Variants in NOL4 observed in about 807,000 individuals in gnomAD.
NOL4 encodes the protein nucleolar protein 4, also known as cancer/testis antigen 125.
Under a neutral mutation model 75.9 loss-of-function variants are expected in NOL4, and 17 were observed. That is an observed-to-expected ratio of 0.22 (90% CI 0.15 to 0.34). The LOEUF is 0.34. Among genes scored for constraint, NOL4 ranks in the 10% least tolerant of loss-of-function variants. NOL4 has a pLI of 1.00. For synonymous variants in NOL4, 292 were observed against 289.9 expected (o/e 1.01, Z -0.07); for missense variants, 614 against 793.5 (o/e 0.77, Z 2.72).
intron 1 of NOL4, chr18:34,221,912 A>T: frequency 1.2e-6 from 1 of 854,564 alleles, no homozygotes; most frequent in Non-Finnish European, 1.8e-6. Flanking sequence ...AACAGTTGCC[A>T]GTACAGGAGG....
chr18:33,887,419 T>G (rs902554619), intron 9 of NOL4, among the ~76,000 whole-genome samples: 3 of 134,928 alleles, frequency 2.2e-5, no homozygotes, highest in Non-Finnish European at 4.8e-5. Context: ...AGAAGGTGAG[T>G]TTTTTTTTTT....
chr18:34,094,036 G>C (rs1050110016), intron 4 of NOL4, among the ~76,000 whole-genome samples: 1 of 151,714 alleles, frequency 6.6e-6, no homozygotes, highest in African/African-American at 2.4e-5. Flanking sequence ...AGCGAGACTC[G>C]TCTCAAAAAA....
At chr18:34,003,809 T>C (rs1209727418) in intron 6 of NOL4, among the ~76,000 whole-genome samples, 3 of 152,030 alleles carry the variant, frequency 2.0e-5, no homozygotes, top group Middle Eastern at 6.9e-3. Flanking sequence ...TAACAGATCC[T>C]CCCCCTGGCC....
At chr18:33,952,779 C>A (rs965533422) in intron 8 of NOL4, among the ~76,000 whole-genome samples, 1 of 152,076 alleles carries the variant, frequency 6.6e-6, no homozygotes, top group Non-Finnish European at 1.5e-5. Context: ...ACAAAAGTAG[C>A]CAGGTGTTTT....
At chr18:33,917,685 G>A (rs2066808275) in intron 9 of NOL4, among the ~76,000 whole-genome samples, 1 of 151,736 alleles carries the variant, frequency 6.6e-6, no homozygotes, top group Non-Finnish European at 1.5e-5. Flanking sequence ...TTAATGCTTA[G>A]TAGAGATGAG....
intron 1 of NOL4, among the ~76,000 whole-genome samples, chr18:34,207,859 A>G (rs1313516992): frequency 1.3e-5 from 2 of 152,112 alleles, no homozygotes; most frequent in African/African-American, 2.4e-5. Flanking sequence ...AGGTTTTTCC[A>G]CTGAGGTTTT....
At chr18:34,055,288 T>C (rs1232453136) in intron 5 of NOL4, among the ~76,000 whole-genome samples, 1 of 152,102 alleles carries the variant, frequency 6.6e-6, no homozygotes, top group Non-Finnish European at 1.5e-5. Flanking sequence ...TAGCATTTCT[T>C]GTACAGTAGA....
intron 9 of NOL4, among the ~76,000 whole-genome samples, chr18:33,894,739 T>G (rs1019635908): frequency 3.3e-5 from 5 of 152,116 alleles, no homozygotes; most frequent in African/African-American, 1.2e-4. Flanking sequence ...ACAATAAAGG[T>G]TTGATCTCAC....
intron 1 of NOL4, among the ~76,000 whole-genome samples, chr18:34,178,780 A>G (rs559862085): frequency 6.6e-6 from 1 of 151,802 alleles, no homozygotes; most frequent in South Asian, 2.1e-4. Context: ...TCAAAAATGG[A>G]TAGAATAACT....
intron 6 of NOL4, among the ~76,000 whole-genome samples, chr18:33,975,178 G>A (rs2071391828): frequency 6.6e-6 from 1 of 152,140 alleles, no homozygotes; most frequent in Non-Finnish European, 1.5e-5. Flanking sequence ...GGAAGCAAAG[G>A]GGAATTCTTG....
chr18:34,214,407 T>A (rs1046838413), intron 1 of NOL4, among the ~76,000 whole-genome samples: 2 of 152,132 alleles, frequency 1.3e-5, no homozygotes, highest in Non-Finnish European at 2.9e-5. Context: ...ATGAGTTACG[T>A]TATCATTAGA....
At chr18:33,946,369 T>G (rs2068836037) in intron 8 of NOL4, among the ~76,000 whole-genome samples, 1 of 151,722 alleles carries the variant, frequency 6.6e-6, no homozygotes, top group African/African-American at 2.4e-5. Context: ...TTATCAAATT[T>G]AATCTCCTTA....
intron 4 of NOL4, among the ~76,000 whole-genome samples, chr18:34,103,348 A>G (rs909600389): frequency 6.6e-6 from 1 of 152,026 alleles, no homozygotes; most frequent in Admixed American, 6.6e-5. Context: ...TACATATATA[A>G]CTTAGTCCCT....
At chr18:34,007,057 G>A (rs1434545964) in intron 6 of NOL4, among the ~76,000 whole-genome samples, 1 of 151,920 alleles carries the variant, frequency 6.6e-6, no homozygotes, top group Non-Finnish European at 1.5e-5. Context: ...TTAGTTCCAG[G>A]GAGATAAATG....
At chr18:33,954,048 T>C (rs2069458209) in intron 8 of NOL4, among the ~76,000 whole-genome samples, 1 of 152,134 alleles carries the variant, frequency 6.6e-6, no homozygotes, top group Non-Finnish European at 1.5e-5. Context: ...CATCCTTTGG[T>C]ATCTGTGTGG....
Position 34,032,104 on chromosome 18 carries a change from C to T in NOL4, c.773-12503G>A, listed in dbSNP as rs572793344. Among the ~76,000 whole-genome samples the T allele has an allele frequency of 2.6e-5, 4 of 152,320 alleles. No individual in the cohort carries two copies. The South Asian group carries it at 8.3e-4, about 32-fold the overall frequency. ...TGTGAGCAACCACCAAATATTACTG[C>T]GTCTAAGGTGAAAGCACAAAGAAAG... On this transcript the variant is annotated intron_variant, in intron 5 of 10. Transcript: ENST00000261592.
At chr18:34,127,562 T>C (rs1279220325) in intron 2 of NOL4, among the ~76,000 whole-genome samples, 31 of 152,064 alleles carry the variant, frequency 2.0e-4, no homozygotes, top group Non-Finnish European at 2.9e-5. Flanking sequence ...TCAGCATTAG[T>C]ATTAAGAATT....
At chr18:34,080,863 T>A (rs1444723531) in intron 5 of NOL4, among the ~76,000 whole-genome samples, 1 of 152,220 alleles carries the variant, frequency 6.6e-6, no homozygotes, top group Non-Finnish European at 1.5e-5. Context: ...TGACATAAGA[T>A]ACTAATTTGA....
rs183843849 is a variant in NOL4, at chr18:34,049,495, C to T, written c.773-29894G>A. ...CATTCATTTTTCTTCAGAAACATTA[C>T]TGCGATTCAAATGAGTACATCCTTT... On this transcript the variant is annotated intron_variant, in intron 5 of 10. Coordinates refer to ENST00000261592, the MANE Select transcript of NOL4 (RefSeq NM_003787.5). Among the ~76,000 whole-genome samples, 604 of 152,092 alleles carry T rather than the reference C, an allele frequency of 4.0e-3. 8 individuals carry two copies. Among genetic ancestry groups the T allele is most frequent in the Non-Finnish European group, 5.9e-3 (400 of 67,986 alleles).
Sources: allele counts gnomAD v4.1 joint callset (sites outside exome capture counted in the v4.1 genomes callset), GRCh38; gene constraint gnomAD v4.1.1; transcripts MANE v1.5; gene names NCBI Gene and HGNC (gene_info 2026-07-23, HGNC 2026-07-21).